DDX6: variants seen among roughly 807,000 people sequenced by gnomAD.
DDX6 encodes the protein probable ATP-dependent RNA helicase DDX6.
DDX6 carries 7 observed loss-of-function variants against 60.6 expected under a neutral mutation model. That is an observed-to-expected ratio of 0.12 (90% confidence interval 0.07 to 0.22). DDX6 has a LOEUF of 0.22. DDX6 is among the 10% of genes least tolerant of loss of function. DDX6 has a pLI of 1.00. For synonymous variants in DDX6, 207 were observed against 201.0 expected (o/e 1.03, Z -0.25); for missense variants, 270 against 589.9 (o/e 0.46, Z 5.62).
chr11:118,756,217 T>G, intron 11 of DDX6, 43 bp downstream of exon 11: 1 of 1,565,484 alleles, frequency 6.4e-7, no homozygotes, highest in Non-Finnish European at 8.8e-7. Context: ...AAAAAACAAC[T>G]TGGGAGAAAA....
chr11:118,750,492 C>T lies in DDX6; in HGVS notation c.*1613G>A, dbSNP rs563860697. ...GTTAACAGCTCTCAGGTTGCCCATT[C>T]CTGCAAAAGTTTATGTATCAAAGCG... On this transcript the variant is annotated 3_prime_UTR_variant, in exon 14 of 14. Coordinates refer to ENST00000534980, the MANE Select transcript of DDX6 (RefSeq NM_004397.6). 6.6e-6 allele frequency: 1 copy of T among 152,274 alleles called. No homozygotes were observed. The highest frequency in any genetic ancestry group is 2.1e-4 in the South Asian group (1 of 4,822). The allele number at this position is 152,274 out of a possible 1,614,324, so 9.4% of individuals were successfully genotyped here. A position where few individuals can be genotyped will look rare whatever the true frequency, so the allele number is the denominator to read the frequency against.
Position 118,778,742 on chromosome 11 carries a change from TA to T in DDX6, c.369+889del, listed in dbSNP as rs1861786407. Among the ~76,000 whole-genome samples, 6 of 152,212 alleles carry T rather than the reference TA, an allele frequency of 3.9e-5. No homozygotes were observed. In the South Asian group the frequency reaches 1.2e-3, roughly 32 times the overall value. On this transcript the variant is annotated intron_variant, in intron 4 of 13. Coordinates refer to ENST00000534980, the MANE Select transcript of DDX6 (RefSeq NM_004397.6). ...CAAAATTAACATCACCAAAGAGGAA[TA>T]AATGGACACTAGGCACACCTTCAAA...
At chr11:118,765,058 T>A in intron 6 of DDX6, 151 bp downstream of exon 6, 1 of 844,592 alleles carries the variant, frequency 1.2e-6, no homozygotes, top group South Asian at 1.9e-5. Flanking sequence ...TATGGTAATT[T>A]GTCTTTTTCG....
At chr11:118,765,527 C>T (rs1861321056) in intron 5 of DDX6, among the ~76,000 whole-genome samples, 172 bp from the exon 6 acceptor site, 1 of 152,238 alleles carries the variant, frequency 6.6e-6, no homozygotes, top group East Asian at 1.9e-4. Context: ...GTAATCCCAG[C>T]ACTCTGGGAG....
chr11:118,756,009 A>ACC (rs1591884651), intron 11 of DDX6, among the ~76,000 whole-genome samples: 1 of 62,256 alleles, frequency 1.6e-5, no homozygotes, highest in African/African-American at 6.3e-5. Context: ...CAAAGATTCC[A>ACC]TCCCCCTCCC....
At position 118,752,101 on chromosome 11, in the gene DDX6, CAGA is replaced by C. The variant is rs782067625; in HGVS notation, c.*8-7_*8-5del. 60 of 231,090 alleles carry C rather than the reference CAGA, an allele frequency of 2.6e-4. No homozygotes were observed. Among genetic ancestry groups the C allele is most frequent in the Admixed American group, 3.0e-4 (5 of 16,886 alleles). 14.3% of individuals were successfully genotyped at this position (231,090 alleles called of 1,614,324 possible). On this transcript the variant is annotated splice_polypyrimidine_tract_variant and splice_region_variant and intron_variant, in intron 13 of 13. Transcript: ENST00000534980. The stretch of plus-strand genomic sequence containing the variant: ...GCCTTTTGTAATTTGTCAAAGCCTA[CAGA>C]AGAAGAGAATACAAAATTAACATTC...
At chr11:118,754,619 G>A (rs1245831367) in intron 13 of DDX6, 86 bp downstream of exon 13, 44 of 1,179,162 alleles carry the variant, frequency 3.7e-5, no homozygotes, top group Non-Finnish European at 5.0e-5. Flanking sequence ...TATTATATAT[G>A]GTGTGACATC....
chr11:118,783,248 C>T (rs578133294), intron 2 of DDX6, among the ~76,000 whole-genome samples: 1 of 152,110 alleles, frequency 6.6e-6, no homozygotes, highest in Non-Finnish European at 1.5e-5. Context: ...AAAGAAAAAT[C>T]AAAATCCACT....
In DDX6 at chr11:118,755,471, C is replaced by G. The variant is rs782223278; in HGVS notation, c.1207G>C (p.Val403Leu). Residue 403 changes from valine (V) to leucine (L), a missense_variant, in exon 12 of 14, where the codon GTG becomes CTG. Physicochemically the swap from Val to Leu is conservative, Grantham distance 32. Transcript: ENST00000534980. ...AAATCAAAGTTTATTACCACATTCA[C>G]AGCTTGTATATCAATACCTCGGGTA... ...LFTRGIDIQA[V>L]NVVINFDFPK... 1 of 1,606,654 alleles carries G rather than the reference C, an allele frequency of 6.2e-7. No homozygotes were observed. Among genetic ancestry groups the G allele is most frequent in the Non-Finnish European group, 8.5e-7 (1 of 1,174,022 alleles).
intron 2 of DDX6, among the ~76,000 whole-genome samples, chr11:118,784,108 TA>T (rs914852417): frequency 7.5e-5 from 11 of 147,648 alleles, no homozygotes; most frequent in South Asian, 4.3e-4. Context: ...AAAAAAGTTA[TA>T]AAAAAAATTA....
Position 118,786,189 on chromosome 11 carries a change from C to G in DDX6, c.63G>C (p.Leu21=). Residue 21 remains leucine, a synonymous_variant, in exon 2 of 14, where the codon CTG becomes CTC. Coordinates refer to ENST00000534980, the MANE Select transcript of DDX6 (RefSeq NM_004397.6). The part of the protein sequence containing the change: ...IMGLSSQNGQ[L]RGPVKPTGGP... ...CACCAGTGGGTTTCACAGGGCCTCT[C>G]AGCTGACCATTTTGACTGGACAGAC... is the stretch of plus-strand genomic sequence containing the variant. The G allele has an allele frequency of 6.2e-7, 1 of 1,613,988 alleles. No homozygotes were observed. Among genetic ancestry groups the G allele is most frequent in the Non-Finnish European group, 8.5e-7 (1 of 1,179,892 alleles).
chr11:118,785,373 AT>A (rs922265772), intron 2 of DDX6, among the ~76,000 whole-genome samples: 39 of 150,006 alleles, frequency 2.6e-4, no homozygotes, highest in Admixed American at 5.3e-4. Flanking sequence ...AAAATTAAAA[AT>A]TTTTTTTTTG....
In DDX6 at chr11:118,749,988, T is replaced by C. The variant is rs488219; in HGVS notation, c.*2117A>G. The C allele has an allele frequency of 0.4, 60,249 of 152,278 alleles. 12,325 individuals carry two copies. Among genetic ancestry groups the C allele is most frequent in the Admixed American group, 0.52 (7,936 of 15,250 alleles). The allele number at this position is 152,278 out of a possible 1,614,324, so 9.4% of individuals were successfully genotyped here. On this transcript the variant is annotated 3_prime_UTR_variant, in exon 14 of 14. Transcript: ENST00000534980. ...GCTATGTCCCATCAGGAGGCATCTG[T>C]AGGATTTTGATCTCCAAGGAATTGT...
At position 118,753,486 on chromosome 11, in the gene DDX6, C is replaced by T. The variant is rs555763801; in HGVS notation, c.*7+1219G>A. Among the ~76,000 whole-genome samples the T allele has an allele frequency of 1.1e-3, 168 of 151,684 alleles. 1 individual carries two copies. Among genetic ancestry groups the T allele is most frequent in the Non-Finnish European group, 1.4e-3 (98 of 67,916 alleles). On this transcript the variant is annotated intron_variant, in intron 13 of 13. Transcript: ENST00000534980. ...TCCCGAGTAGCTGGGACTACAGGTG[C>T]GTGTCACCATGCCCGGCTAATTTTT...
At chr11:118,762,632 C>T (rs1861214543) in intron 7 of DDX6, among the ~76,000 whole-genome samples, 1 of 152,010 alleles carries the variant, frequency 6.6e-6, no homozygotes, top group African/African-American at 2.4e-5. Context: ...ATATTACTAA[C>T]CAGGAAAAAT....
chr11:118,784,035 C>T (rs1591925310), intron 2 of DDX6, among the ~76,000 whole-genome samples: 1 of 147,124 alleles, frequency 6.8e-6, no homozygotes, highest in African/African-American at 2.5e-5. Context: ...CTGCAGTGAG[C>T]CATGATCGTG....
intron 6 of DDX6, among the ~76,000 whole-genome samples, chr11:118,764,819 T>TACACACACAC (rs1236783513): frequency 1.3e-3 from 22 of 17,156 alleles, no homozygotes; most frequent in Admixed American, 2.3e-3. Flanking sequence ...AAAAAAAAAA[T>TACACACACAC]ATACACACAC....
At chr11:118,766,481 A>T (rs1026087331) in intron 5 of DDX6, among the ~76,000 whole-genome samples, 2 of 152,214 alleles carry the variant, frequency 1.3e-5, no homozygotes, top group African/African-American at 2.4e-5. Flanking sequence ...GAATCATTAC[A>T]CAGGACATTA....
chr11:118,765,148 C>T, intron 6 of DDX6, 61 bp downstream of exon 6: 3 of 1,562,110 alleles, frequency 1.9e-6, no homozygotes, highest in Non-Finnish European at 2.6e-6. Context: ...TAATAATTTA[C>T]TGAAATACTT....
Sources: allele counts gnomAD v4.1 joint callset (sites outside exome capture counted in the v4.1 genomes callset), GRCh38; gene constraint gnomAD v4.1.1; transcripts MANE v1.5; gene names NCBI Gene and HGNC (gene_info 2026-07-23, HGNC 2026-07-21).